TBC1D19: variants seen among roughly 807,000 people sequenced by gnomAD.
The protein encoded by TBC1D19 is TBC1 domain family member 19.
A neutral mutation model predicts 89.0 loss-of-function variants in TBC1D19; 60 were observed. The ratio of observed to expected loss-of-function variants is 0.67; its 90% CI spans 0.55 to 0.84. The LOEUF is 0.84. Among genes scored for constraint, TBC1D19 ranks in the 40% least tolerant of loss-of-function variants. TBC1D19 has a pLI of 0.00. For synonymous variants in TBC1D19, 189 were observed against 199.7 expected, an observed-to-expected ratio of 0.95 and a Z score of 0.45; for missense variants, 500 against 610.8, an observed-to-expected ratio of 0.82 and a Z score of 1.91.
At chr4:26,671,079 A>G (rs1028248570) in intron 9 of TBC1D19, among the ~76,000 whole-genome samples, 3 of 151,670 alleles carry the variant, frequency 2.0e-5, no homozygotes, top group African/African-American at 7.2e-5. Context: ...GCTAATTATC[A>G]TAGGATATGC....
intron 1 of TBC1D19, among the ~76,000 whole-genome samples, chr4:26,595,984 T>C (rs1350239684): frequency 6.6e-6 from 1 of 152,036 alleles, no homozygotes; most frequent in Non-Finnish European, 1.5e-5. Flanking sequence ...TGAGAGAGAG[T>C]GTCACTTTGT....
the TBC1D19 span, among the ~76,000 whole-genome samples, chr4:26,788,599 C>T: frequency 6.6e-6 from 1 of 152,180 alleles, no homozygotes. Flanking sequence ...GTCATTAGGC[C>T]TCTTTCTGCT....
chr4:26,680,875 T>G (rs10007252), intron 11 of TBC1D19, among the ~76,000 whole-genome samples: 3,908 of 152,282 alleles, frequency 0.026, 169 homozygotes, highest in African/African-American at 0.089. Context: ...TGCATGTATT[T>G]CTCAGAATTC....
the TBC1D19 span, among the ~76,000 whole-genome samples, chr4:26,785,766 T>C: frequency 6.0e-3 from 916 of 152,298 alleles, 6 homozygotes; most frequent in Non-Finnish European, 9.5e-3. Context: ...CAGGAACAGA[T>C]TCAGTTTCAG....
chr4:26,605,477 A>G (rs1740935282), intron 1 of TBC1D19, among the ~76,000 whole-genome samples: 1 of 151,780 alleles, frequency 6.6e-6, no homozygotes, highest in African/African-American at 2.4e-5. Context: ...GGTTGGTTCC[A>G]AGTCTTTGCT....
intron 4 of TBC1D19, among the ~76,000 whole-genome samples, chr4:26,635,936 T>G (rs1478946549): frequency 1.3e-5 from 2 of 152,048 alleles, no homozygotes; most frequent in Non-Finnish European, 2.9e-5. Context: ...ACTAATGTAT[T>G]TGAATGTGTG....
chr4:26,703,575 A>G (rs1307117355), intron 13 of TBC1D19, among the ~76,000 whole-genome samples: 1 of 152,122 alleles, frequency 6.6e-6, no homozygotes, highest in Non-Finnish European at 1.5e-5. Context: ...GGATTTTGTG[A>G]CTACACTGCA....
chr4:26,577,540 C>T (rs1738999624), intron 1 of TBC1D19, among the ~76,000 whole-genome samples: 1 of 152,202 alleles, frequency 6.6e-6, no homozygotes, highest in African/African-American at 2.4e-5. Flanking sequence ...TGTTACCTTC[C>T]AGGCAACATA....
the TBC1D19 span, among the ~76,000 whole-genome samples, chr4:26,796,657 C>T: frequency 6.6e-6 from 1 of 151,968 alleles, no homozygotes; most frequent in Admixed American, 6.6e-5. Context: ...GATGACTACA[C>T]CACTGCACTC....
chr4:26,708,177 G>A (rs182570324), intron 13 of TBC1D19, among the ~76,000 whole-genome samples: 1 of 151,962 alleles, frequency 6.6e-6, no homozygotes, highest in African/African-American at 2.4e-5. Context: ...TCAGGTCTCA[G>A]CATTCATTTA....
chr4:26,781,957 G>C, the TBC1D19 span, among the ~76,000 whole-genome samples: 2 of 152,074 alleles, frequency 1.3e-5, no homozygotes. Context: ...TACCTTTATA[G>C]CAGAAATTTT....
chr4:26,844,462 T>C, the TBC1D19 span, among the ~76,000 whole-genome samples: 6 of 152,250 alleles, frequency 3.9e-5, no homozygotes, highest in Non-Finnish European at 7.3e-5. Flanking sequence ...TCCCAAAACT[T>C]TGAAATATTT....
At chr4:26,786,753 C>CTGGATGGA in the TBC1D19 span, among the ~76,000 whole-genome samples, 1,914 of 85,736 alleles carry the variant, frequency 0.022, 68 homozygotes, top group African/African-American at 0.065. Flanking sequence ...GGGTGGATGC[C>CTGGATGGA]TGGATGGATG....
rs186533917 is a variant in TBC1D19 at position 26,688,439 on chromosome 4, T to C, written c.954+32T>C. ...TTAAAAATAAAAATACATAGTGTTCTTGTTTTAGGTTCTCTATATCATGAT... is the reference window on the plus strand; with the variant it reads ...TTAAAAATAAAAATACATAGTGTTCCTGTTTTAGGTTCTCTATATCATGAT... On this transcript the variant is annotated intron_variant, in intron 13 of 20. Transcript: ENST00000264866. The C allele has an allele frequency of 1.7e-4, 252 of 1,500,426 alleles. 2 individuals carry two copies. In the Middle Eastern group the frequency reaches 5.0e-3, roughly 29 times the overall value. The allele number at this position is 1,500,426 out of a possible 1,614,324, so 92.9% of individuals were successfully genotyped here.
chr4:26,846,973 T>C, the TBC1D19 span, among the ~76,000 whole-genome samples: 2 of 152,206 alleles, frequency 1.3e-5, no homozygotes, highest in African/African-American at 2.4e-5. Context: ...TTTAATCTTC[T>C]TTTTGTACAT....
At chr4:26,690,492 AT>A (rs1714178576) in intron 13 of TBC1D19, among the ~76,000 whole-genome samples, 1 of 152,212 alleles carries the variant, frequency 6.6e-6, no homozygotes, top group African/African-American at 2.4e-5. Flanking sequence ...TTCAAAGGAT[AT>A]GCTGACTCTG....
the TBC1D19 span, among the ~76,000 whole-genome samples, chr4:26,802,003 TGC>T: frequency 2.3e-4 from 35 of 152,292 alleles, no homozygotes; most frequent in African/African-American, 8.4e-4. Context: ...ACTGTATTAA[TGC>T]AGTCTTTTTG....
intron 9 of TBC1D19, among the ~76,000 whole-genome samples, chr4:26,668,674 G>A (rs546450018): frequency 4.0e-5 from 6 of 151,898 alleles, no homozygotes; most frequent in Non-Finnish European, 7.4e-5. Context: ...TAATGCTAAT[G>A]TTTGAAAATG....
chr4:26,745,319 T>C (rs1718589267), intron 18 of TBC1D19, among the ~76,000 whole-genome samples: 1 of 151,874 alleles, frequency 6.6e-6, no homozygotes, highest in African/African-American at 2.4e-5. Context: ...TATTATTGAA[T>C]TGGAATCAAC....
Sources: gnomAD v4.1 joint callset for allele counts (sites outside exome capture counted in the v4.1 genomes callset) on GRCh38, gnomAD v4.1.1 for gene constraint, MANE v1.5 for transcripts, NCBI Gene and HGNC (gene_info 2026-07-23, HGNC 2026-07-21) for gene names.